Variants in PCNX1 observed in about 807,000 individuals in gnomAD.
PCNX1 encodes the protein pecanex 1, also known as pecanex-like protein 1.
PCNX1 carries 78 observed loss-of-function variants against 242.2 expected under a neutral mutation model. The observed-to-expected ratio is 0.32, with a 90% confidence interval of 0.27 to 0.39. PCNX1 has a LOEUF of 0.39. Ranked by LOEUF, PCNX1 falls within the 10% of genes least tolerant of loss-of-function variation. The probability of loss-of-function intolerance (pLI) is 1.00; values close to 1 mark genes in which losing one functional copy is unlikely to be tolerated. For synonymous variants in PCNX1, 1,024 were observed against 1,032.9 expected (o/e 0.99, Z 0.17); for missense variants, 2,581 against 2,856.5 (o/e 0.90, Z 2.20).
Position 70,968,222 on chromosome 14 carries a change from G to A in PCNX1, c.493G>A (p.Gly165Arg), listed in dbSNP as rs751330781. The A allele has an allele frequency of 1.5e-5, 24 of 1,612,846 alleles. No individual in the cohort carries two copies. The highest frequency in any genetic ancestry group is 2.0e-5 in the Non-Finnish European group (23 of 1,179,212). ...GATTGGATCTGGTTCCTCGCGTCTT[G>A]GAACAGCAGCAACTATTAAAGGTAG... ...NQIGSGSSRLGTAATIKGDTD... is the reference protein window; with the variant it reads ...NQIGSGSSRLRTAATIKGDTD... Residue 165 changes from glycine to arginine, a missense_variant, in exon 4 of 36, where the codon GGA (glycine) becomes AGA (arginine). Physicochemically the swap from Gly to Arg is moderately radical, Grantham distance 125. Coordinates refer to ENST00000304743, the MANE Select transcript of PCNX1 (RefSeq NM_014982.3).
intron 6 of PCNX1, among the ~76,000 whole-genome samples, chr14:70,987,313 A>G (rs750177213): frequency 3.3e-5 from 5 of 152,360 alleles, no homozygotes; most frequent in Admixed American, 1.3e-4. Flanking sequence ...ACATGTAGCA[A>G]CGGAGCACTT....
chr14:70,940,219 T>A (rs1384258641), intron 1 of PCNX1, among the ~76,000 whole-genome samples: 3 of 152,238 alleles, frequency 2.0e-5, no homozygotes, highest in East Asian at 1.9e-4. Context: ...AGTTTCTTCC[T>A]AGCATCAATG....
At chr14:70,910,215 C>CCTCCTTCTCCTCCTCCTCCTT (rs2055829175) in intron 1 of PCNX1, among the ~76,000 whole-genome samples, 1 of 67,160 alleles carries the variant, frequency 1.5e-5, no homozygotes, top group African/African-American at 6.0e-5. Context: ...TCGTCCTCCT[C>CCTCCTTCTCCTCCTCCTCCTT]CTCCTCCTCC....
At chr14:71,015,120 A>C (rs748333935) in intron 11 of PCNX1, among the ~76,000 whole-genome samples, 2 of 152,176 alleles carry the variant, frequency 1.3e-5, no homozygotes, top group Non-Finnish European at 2.9e-5. Context: ...TTAAAAACCA[A>C]AGTGAAATAA....
At chr14:71,075,864 C>T (rs1168567971) in intron 27 of PCNX1, among the ~76,000 whole-genome samples, 1 of 151,540 alleles carries the variant, frequency 6.6e-6, no homozygotes, top group African/African-American at 2.4e-5. Flanking sequence ...CTAGCATGGG[C>T]GACAGAGTAA....
At chr14:71,065,975 A>C (rs1447194162) in intron 26 of PCNX1, among the ~76,000 whole-genome samples, 1 of 558 alleles carries the variant, frequency 1.8e-3, no homozygotes, top group Non-Finnish European at 3.5e-3. Flanking sequence ...TGATCTATAT[A>C]TCTGTTTTGT....
intron 26 of PCNX1, among the ~76,000 whole-genome samples, chr14:71,062,486 A>T: frequency 6.6e-6 from 1 of 151,892 alleles, no homozygotes; most frequent in South Asian, 2.1e-4. Context: ...ATTTTTTAAC[A>T]AAAAAGTTTA....
chr14:71,050,613 T>TG, intron 22 of PCNX1, 39 bp from the exon 23 acceptor site: 1 of 1,521,160 alleles, frequency 6.6e-7, no homozygotes, highest in Non-Finnish European at 8.8e-7. Context: ...CTGATAAGTT[T>TG]TTTTTTTTTT....
chr14:70,988,488 GTCAAGGGAAAGCCAGGC>G (rs1250552626), intron 6 of PCNX1, 62 bp from the exon 7 acceptor site: 1 of 1,503,944 alleles, frequency 6.6e-7, no homozygotes, highest in African/African-American at 1.4e-5. Flanking sequence ...AGGGTGGGAA[GTCAAGGGAAAGCCAGGC>G]TCAGCTGCTA....
At chr14:71,051,166 C>T (rs1165610931) in intron 23 of PCNX1, among the ~76,000 whole-genome samples, 2 of 58,894 alleles carry the variant, frequency 3.4e-5, no homozygotes, top group Non-Finnish European at 5.4e-5. Context: ...AAAACTCTGT[C>T]TCAAAAAAAA....
Position 71,047,729 on chromosome 14 carries a change from T to C in PCNX1, c.4161-78T>C, listed in dbSNP as rs527929785. 3 of 1,178,986 alleles carry C rather than the reference T, an allele frequency of 2.5e-6. No homozygotes were observed. In the East Asian group the frequency reaches 7.1e-5, roughly 28 times the overall value. 73.0% of individuals were successfully genotyped at this position (1,178,986 alleles called of 1,614,324 possible). A position where few individuals can be genotyped will look rare whatever the true frequency, so the allele number is the denominator to read the frequency against. ...TATATTATAAGCTTAGTAAAGTAAATGGTGAATTTTATTTTAAGTTACTGT... is the reference window on the plus strand; with the variant it reads ...TATATTATAAGCTTAGTAAAGTAAACGGTGAATTTTATTTTAAGTTACTGT... On this transcript the variant is annotated intron_variant, in intron 21 of 35. Coordinates refer to ENST00000304743, the MANE Select transcript of PCNX1 (RefSeq NM_014982.3).
intron 8 of PCNX1, among the ~76,000 whole-genome samples, chr14:71,001,090 G>A (rs779975792): frequency 6.6e-6 from 1 of 152,122 alleles, no homozygotes; most frequent in African/African-American, 2.4e-5. Flanking sequence ...AACAGTGCTC[G>A]ACAATTGTAA....
chr14:70,909,080 C>T (rs1370859716), intron 1 of PCNX1, among the ~76,000 whole-genome samples: 2 of 152,106 alleles, frequency 1.3e-5, no homozygotes, highest in Non-Finnish European at 2.9e-5. Flanking sequence ...AGACAGGGTG[C>T]TGAGTTAGAA....
chr14:70,972,226 G>A (rs2140052534), intron 5 of PCNX1, among the ~76,000 whole-genome samples: 1 of 150,976 alleles, frequency 6.6e-6, no homozygotes, highest in South Asian at 2.1e-4. Context: ...ACTGAAAGGG[G>A]AAAGACTGAG....
chr14:71,103,918 T>C (rs2062533349), intron 32 of PCNX1, among the ~76,000 whole-genome samples: 1 of 152,204 alleles, frequency 6.6e-6, no homozygotes, highest in Admixed American at 6.5e-5. Context: ...AAAATTCCCT[T>C]TATTTGTTTA....
Position 71,084,716 on chromosome 14 carries a change from C to T in PCNX1, c.5338-3614C>T, listed in dbSNP as rs2061940506. ...CTTCCCCCACCAAGCTTGAGCATCC[C>T]AGGTCAACTTCAGACTGCTGTGCTG... On this transcript the variant is annotated intron_variant, in intron 28 of 35. Coordinates refer to ENST00000304743, the MANE Select transcript of PCNX1 (RefSeq NM_014982.3). Among the ~76,000 whole-genome samples, 2 of 152,194 alleles carry T rather than the reference C, an allele frequency of 1.3e-5. 1 individual carries two copies. Among genetic ancestry groups the T allele is most frequent in the South Asian group, 4.1e-4 (2 of 4,834 alleles).
At chr14:70,946,184 A>G (rs144963235) in intron 1 of PCNX1, among the ~76,000 whole-genome samples, 15 of 152,278 alleles carry the variant, frequency 9.9e-5, no homozygotes, top group African/African-American at 2.4e-4. Flanking sequence ...GCAGGCCACA[A>G]TTTTTAAGTA....
chr14:70,924,437 A>G (rs1460773893), intron 1 of PCNX1, among the ~76,000 whole-genome samples: 1 of 152,138 alleles, frequency 6.6e-6, no homozygotes, highest in African/African-American at 2.4e-5. Flanking sequence ...GTGAGCCAAT[A>G]CTGATACATC....
Position 70,977,576 on chromosome 14 carries a change from C to G in PCNX1, c.1239C>G (p.Ile413Met). The change falls in exon 6 of 36, where the codon ATC (isoleucine) becomes ATG (methionine). Residue 413 changes from isoleucine (I) to methionine (M), a missense_variant. By Grantham distance (10) the Ile-to-Met change is conservative. Coordinates refer to ENST00000304743, the MANE Select transcript of PCNX1 (RefSeq NM_014982.3). ...CCAGCTCAACTCACATAGAGAGCAT[C>G]CTGTCAGAGCATGAGGAGTCTCCTA... The part of the protein sequence containing the change: ...EQTSSTHIES[I>M]LSEHEESPKA... 1 of 1,614,144 alleles carries G rather than the reference C, an allele frequency of 6.2e-7. No homozygotes were observed. The highest frequency in any genetic ancestry group is 1.3e-5 in the African/African-American group (1 of 75,010).
Sources: gnomAD v4.1 joint callset for allele counts (sites outside exome capture counted in the v4.1 genomes callset) on GRCh38, gnomAD v4.1.1 for gene constraint, MANE v1.5 for transcripts, NCBI Gene and HGNC (gene_info 2026-07-23, HGNC 2026-07-21) for gene names.